Variants in EPN2 observed in about 807,000 individuals in gnomAD.
EPN2 encodes the protein epsin 2, also known as epsin-2.
Under a neutral mutation model 61.7 loss-of-function variants are expected in EPN2, and 34 were observed. The observed-to-expected ratio is 0.55, with a 90% confidence interval of 0.42 to 0.73. The LOEUF is 0.73. Ranked by LOEUF, EPN2 falls within the 30% of genes least tolerant of loss-of-function variation. The pLI is 0.00. For missense variants in EPN2, 714 were observed against 839.2 expected (o/e 0.85, Z 1.84); for synonymous variants, 349 against 353.6 (o/e 0.99, Z 0.15).
At chr17:19,291,742 A>G (rs1220084616) in intron 4 of EPN2, among the ~76,000 whole-genome samples, 6 of 152,108 alleles carry the variant, frequency 3.9e-5, no homozygotes, top group African/African-American at 1.4e-4. Context: ...GCCCGGCCTC[A>G]TTCTTAAACC....
intron 4 of EPN2, among the ~76,000 whole-genome samples, chr17:19,304,527 G>C (rs1905728299): frequency 6.6e-6 from 1 of 152,234 alleles, no homozygotes; most frequent in Admixed American, 6.5e-5. Context: ...GTGTGACGTG[G>C]AGGGTGGGGT....
intron 7 of EPN2, among the ~76,000 whole-genome samples, chr17:19,315,520 A>T (rs1297337147): frequency 6.6e-6 from 1 of 151,828 alleles, no homozygotes; most frequent in Non-Finnish European, 1.5e-5. Flanking sequence ...AGACAGTCTC[A>T]CTATTGCCCA....
chr17:19,296,343 G>A (rs2152223987), intron 4 of EPN2, among the ~76,000 whole-genome samples: 1 of 152,112 alleles, frequency 6.6e-6, no homozygotes, highest in South Asian at 2.1e-4. Flanking sequence ...TAGAGATGGG[G>A]TTTCATCATG....
At chr17:19,263,332 G>A (rs2045163774) in intron 1 of EPN2, among the ~76,000 whole-genome samples, 1 of 152,186 alleles carries the variant, frequency 6.6e-6, no homozygotes, top group African/African-American at 2.4e-5. Flanking sequence ...GCCCATCCCT[G>A]GGGCCCATGA....
intron 8 of EPN2, 78 bp downstream of exon 8, chr17:19,328,965 C>A: frequency 2.2e-6 from 3 of 1,354,654 alleles, no homozygotes; most frequent in South Asian, 1.4e-5. Flanking sequence ...GGCTCCTAGG[C>A]ATCAGCCCTG....
At chr17:19,293,902 A>C (rs572077672) in intron 4 of EPN2, among the ~76,000 whole-genome samples, 52 of 152,088 alleles carry the variant, frequency 3.4e-4, no homozygotes, top group African/African-American at 1.3e-3. Flanking sequence ...AGCCTGACCA[A>C]CATGGTGAAA....
intron 10 of EPN2, among the ~76,000 whole-genome samples, chr17:19,332,727 A>C (rs140720122): frequency 6.6e-6 from 1 of 152,142 alleles, no homozygotes; most frequent in Non-Finnish European, 1.5e-5. Context: ...CCTGCCTGGA[A>C]TGTCCTCCCT....
intron 1 of EPN2, among the ~76,000 whole-genome samples, chr17:19,243,102 ACT>A (rs1288966198): frequency 6.6e-6 from 1 of 152,166 alleles, no homozygotes; most frequent in Non-Finnish European, 1.5e-5. Context: ...CATGAAATAG[ACT>A]AGCCTTGTTT....
intron 1 of EPN2, among the ~76,000 whole-genome samples, chr17:19,253,106 C>G (rs550526494): frequency 5.3e-5 from 8 of 152,328 alleles, no homozygotes; most frequent in African/African-American, 1.9e-4. Context: ...AAAAGAAAAT[C>G]CATACTCATT....
At chr17:19,256,127 C>T (rs995951517) in intron 1 of EPN2, among the ~76,000 whole-genome samples, 5 of 151,754 alleles carry the variant, frequency 3.3e-5, no homozygotes, top group African/African-American at 7.3e-5. Context: ...TTAGTAGAGA[C>T]GGGGTTTCAC....
chr17:19,287,478 G>A (rs2045417404), intron 4 of EPN2, among the ~76,000 whole-genome samples: 1 of 152,128 alleles, frequency 6.6e-6, no homozygotes, highest in African/African-American at 2.4e-5. Context: ...AGGGTAGGGG[G>A]CTGTCGGAGT....
chr17:19,275,921 A>AT (rs1266841893), intron 1 of EPN2, among the ~76,000 whole-genome samples: 3 of 152,192 alleles, frequency 2.0e-5, no homozygotes, highest in Admixed American at 1.3e-4. Context: ...CAATTTCTGC[A>AT]TTGCTCATGG....
intron 1 of EPN2, among the ~76,000 whole-genome samples, chr17:19,266,734 T>C (rs1300983681): frequency 1.3e-5 from 2 of 151,758 alleles, no homozygotes; most frequent in East Asian, 2.0e-4. Context: ...TATATGAATA[T>C]TCTTCATGGC....
chr17:19,298,477 A>G (rs1905303966), intron 4 of EPN2, among the ~76,000 whole-genome samples: 1 of 152,214 alleles, frequency 6.6e-6, no homozygotes, highest in African/African-American at 2.4e-5. Flanking sequence ...TGTTGGAATT[A>G]TAGGCGTGAG....
At chr17:19,281,610 A>G (rs1315393587) in intron 1 of EPN2, among the ~76,000 whole-genome samples, 1 of 152,166 alleles carries the variant, frequency 6.6e-6, no homozygotes, top group African/African-American at 2.4e-5. Flanking sequence ...AGACCACCAC[A>G]GGAAGAAAGG....
intron 1 of EPN2, chr17:19,276,627 T>C (rs2045308125): frequency 6.6e-6 from 1 of 152,180 alleles, no homozygotes; most frequent in East Asian, 1.9e-4. Flanking sequence ...TTGACAGAAT[T>C]GTACAAGTTC....
At chr17:19,331,762 A>G in intron 9 of EPN2, 91 bp from the exon 10 acceptor site, 1 of 1,111,786 alleles carries the variant, frequency 9.0e-7, no homozygotes, top group Non-Finnish European at 1.4e-6. Flanking sequence ...TCAGGCAGGC[A>G]TGTCCCCAGG....
At position 19,250,180 on chromosome 17, in the gene EPN2, C is replaced by T. The variant is rs138795916; in HGVS notation, c.-294+12649C>T. 2.2e-4 allele frequency among the ~76,000 whole-genome samples: 34 copies of T among 152,030 alleles called. No homozygotes were observed. The East Asian group carries it at 4.6e-3, about 21-fold the overall frequency. On this transcript the variant is annotated intron_variant, in intron 1 of 10. Coordinates refer to ENST00000314728, the MANE Select transcript of EPN2 (RefSeq NM_014964.5). ...GCCTATCTCGGCGCACTGCAACCTC[C>T]GCCTCCCTGGTTCAAGGGATTCTCC...
intron 1 of EPN2, chr17:19,248,474 T>A (rs1427500584): frequency 6.6e-6 from 1 of 152,284 alleles, no homozygotes; most frequent in East Asian, 1.9e-4. Context: ...ACATGTAAAA[T>A]TTTAAATTAC....
Sources: gnomAD v4.1 joint callset for allele counts (sites outside exome capture counted in the v4.1 genomes callset) on GRCh38, gnomAD v4.1.1 for gene constraint, MANE v1.5 for transcripts, NCBI Gene and HGNC (gene_info 2026-07-23, HGNC 2026-07-21) for gene names.